Variants in MAMLD1 observed in about 807,000 individuals in gnomAD.
MAMLD1 encodes mastermind-like domain-containing protein 1.
In MAMLD1, 14 loss-of-function variants were observed where a neutral mutation model predicts 45.0. The ratio of observed to expected loss-of-function variants is 0.31; its 90% CI spans 0.21 to 0.49. The LOEUF (loss-of-function observed/expected upper bound fraction) is 0.49, where lower values mean the gene tolerates loss of function less well. Ranked by LOEUF, MAMLD1 falls within the 20% of genes least tolerant of loss-of-function variation. MAMLD1 has a pLI of 0.99. For missense variants in MAMLD1, 543 were observed against 603.6 expected (o/e 0.90, Z 1.05); for synonymous variants, 254 against 247.8 (o/e 1.02, Z -0.24).
At position 150,398,342 on chromosome X, in the gene MAMLD1, A is replaced by AAGAAGG. The variant is rs1569564634; in HGVS notation, c.-64+34812_-64+34813insAGAAGG. ...GAAGAAGAAGAAGAAGAAGAAGAAGAGGAAGAGGAAGAGGAAGAGGAAGAG... is the reference window on the plus strand; with the variant it reads ...GAAGAAGAAGAAGAAGAAGAAGAAGAAGAAGGGGAAGAGGAAGAGGAAGAGGAAGAG... On this transcript the variant is annotated intron_variant, in intron 1 of 7. Transcript: ENST00000370401. Among the ~76,000 whole-genome samples, 152 of 65,124 alleles carry AAGAAGG rather than the reference A, an allele frequency of 2.3e-3. 1 individual carries two copies. Among genetic ancestry groups the AAGAAGG allele is most frequent in the Non-Finnish European group, 3.9e-3 (124 of 32,065 alleles). The allele number at this position is 65,124 out of a possible 115,157, so 56.6% of individuals were successfully genotyped here. A position where few individuals can be genotyped will look rare whatever the true frequency, so the allele number is the denominator to read the frequency against.
At chrX:150,434,714 T>C (rs2035064874) in intron 1 of MAMLD1, among the ~76,000 whole-genome samples, 1 of 112,345 alleles carries the variant, frequency 8.9e-6, no homozygotes, top group Non-Finnish European at 1.9e-5. Context: ...CATGTAATCA[T>C]ATGATTTTGA....
chrX:150,490,548 A>G (rs2037152495), intron 5 of MAMLD1, among the ~76,000 whole-genome samples: 1 of 112,499 alleles, frequency 8.9e-6, no homozygotes, highest in African/African-American at 3.2e-5. Flanking sequence ...TATTTGAGAA[A>G]TAAGCACACT....
Position 150,512,285 on chromosome X carries a change from C to T in MAMLD1, c.*326C>T. The T allele has an allele frequency of 8.9e-7, 1 of 1,122,083 alleles. No homozygotes were observed. The highest frequency in any genetic ancestry group is 1.2e-6 in the Non-Finnish European group (1 of 853,468). The allele number at this position is 1,122,083 out of a possible 1,213,427, so 92.5% of individuals were successfully genotyped here. ...CTCTGTCTGCCAGCATATGCAGAGT[C>T]CCAAGGCCACCCCACCAGAAGTGCC... On this transcript the variant is annotated 3_prime_UTR_variant, in exon 8 of 8. Coordinates refer to ENST00000370401, the MANE Select transcript of MAMLD1 (RefSeq NM_005491.5).
chrX:150,487,268 A>G (rs911268406), intron 5 of MAMLD1, among the ~76,000 whole-genome samples: 2 of 112,175 alleles, frequency 1.8e-5, no homozygotes, highest in Non-Finnish European at 3.8e-5. Context: ...TAAATGGGAC[A>G]CACCCAACTC....
In MAMLD1 at chrX:150,512,698, C is replaced by G. The variant is rs1404523722; in HGVS notation, c.*739C>G. ...AGTTCCTCCAGCAGGGTATGGCCAG[C>G]TTTAGTCCCCTGAGCCCCATACAGG... On this transcript the variant is annotated 3_prime_UTR_variant, in exon 8 of 8. Transcript: ENST00000370401. 11 of 1,151,167 alleles carry G rather than the reference C, an allele frequency of 9.6e-6. No individual in the cohort carries two copies. In the African/African-American group the frequency reaches 2.0e-4, roughly 21 times the overall value. The allele number at this position is 1,151,167 out of a possible 1,213,427, so 94.9% of individuals were successfully genotyped here.
intron 5 of MAMLD1, among the ~76,000 whole-genome samples, chrX:150,478,044 C>T (rs2036637111): frequency 8.9e-6 from 1 of 112,324 alleles, no homozygotes; most frequent in Non-Finnish European, 1.9e-5. Flanking sequence ...AGAATCTTTG[C>T]AGAAACCCAA....
At position 150,388,092 on chromosome X, in the gene MAMLD1, T is replaced by A. The variant is rs782510275; in HGVS notation, c.-64+24562T>A. ...CTTTCTAGAAGACATTATGTAAAAGTGGCACTAATTCTTCTTTAAACATCT... is the reference window on the plus strand; with the variant it reads ...CTTTCTAGAAGACATTATGTAAAAGAGGCACTAATTCTTCTTTAAACATCT... On this transcript the variant is annotated intron_variant, in intron 1 of 7. Coordinates refer to ENST00000370401, the MANE Select transcript of MAMLD1 (RefSeq NM_005491.5). Among the ~76,000 whole-genome samples the A allele has an allele frequency of 3.6e-5, 4 of 111,972 alleles. No individual in the cohort carries two copies. In the Admixed American group the frequency reaches 3.8e-4, roughly 11 times the overall value.
intron 1 of MAMLD1, among the ~76,000 whole-genome samples, chrX:150,418,116 T>G (rs1249399018): frequency 1.8e-5 from 2 of 111,690 alleles, no homozygotes; most frequent in Non-Finnish European, 3.8e-5. Flanking sequence ...CAATTTCAGC[T>G]CCTGTTATTG....
chrX:150,402,102 A>G (rs1160216748), intron 1 of MAMLD1, among the ~76,000 whole-genome samples: 5 of 111,437 alleles, frequency 4.5e-5, no homozygotes, highest in African/African-American at 1.6e-4. Flanking sequence ...GCTTCTGCAC[A>G]GCAAAAGAAA....
intron 5 of MAMLD1, among the ~76,000 whole-genome samples, chrX:150,480,932 TC>T (rs1195561872): frequency 8.9e-6 from 1 of 112,498 alleles, no homozygotes; most frequent in Non-Finnish European, 1.9e-5. Flanking sequence ...GCCAGCTTTT[TC>T]CCCTGTAGCA....
intron 1 of MAMLD1, among the ~76,000 whole-genome samples, 159 bp downstream of exon 1, chrX:150,363,689 C>A (rs1212646583): frequency 1.8e-5 from 2 of 112,509 alleles, no homozygotes; most frequent in Non-Finnish European, 3.8e-5. Context: ...GCCCACCTGG[C>A]GCTGCGGGCG....
chrX:150,489,906 G>A (rs2037127807), intron 5 of MAMLD1, among the ~76,000 whole-genome samples: 1 of 111,267 alleles, frequency 9.0e-6, no homozygotes, highest in African/African-American at 3.3e-5. Flanking sequence ...GGGCGAGAAA[G>A]AGGATTGGGT....
intron 6 of MAMLD1, among the ~76,000 whole-genome samples, chrX:150,505,287 G>T (rs1308249395): frequency 5.4e-5 from 6 of 111,526 alleles, no homozygotes; most frequent in African/African-American, 6.5e-5. Context: ...TCCCCATTGG[G>T]GTCCCATGAC....
rs1376538567 is a variant in MAMLD1 at position 150,403,921 on chromosome X, GA to G, written c.-64+40394del. Among the ~76,000 whole-genome samples, 288 of 72,605 alleles carry G rather than the reference GA, an allele frequency of 4.0e-3. 1 individual carries two copies. Among genetic ancestry groups the G allele is most frequent in the Middle Eastern group, 0.015 (2 of 132 alleles). 63.0% of individuals were successfully genotyped at this position (72,605 alleles called of 115,157 possible). The stretch of plus-strand genomic sequence containing the variant: ...AAAAGAAAGAAGAAAGAAAAAGAAA[GA>G]AAGACAGAGAAAGAAAGAAAAGAAA... On this transcript the variant is annotated intron_variant, in intron 1 of 7. Coordinates refer to ENST00000370401, the MANE Select transcript of MAMLD1 (RefSeq NM_005491.5).
At chrX:150,501,584 C>T (rs782410859) in intron 5 of MAMLD1, among the ~76,000 whole-genome samples, 6 of 112,178 alleles carry the variant, frequency 5.3e-5, no homozygotes, top group Admixed American at 9.4e-5. Flanking sequence ...ACATAGAAAT[C>T]GCTTGCTAAG....
At chrX:150,419,174 T>A (rs1569564732) in intron 1 of MAMLD1, among the ~76,000 whole-genome samples, 3 of 102,900 alleles carry the variant, frequency 2.9e-5, no homozygotes, top group Non-Finnish European at 5.9e-5. Flanking sequence ...CTTGAATTGA[T>A]CCCTTTACCA....
chrX:150,403,996 G>GAAAAAGAAAGA (rs1244362021), intron 1 of MAMLD1, among the ~76,000 whole-genome samples: 3 of 73,931 alleles, frequency 4.1e-5, no homozygotes, highest in South Asian at 5.7e-4. Context: ...AAGAAAGAAA[G>GAAAAAGAAAGA]AAGAAAGGAA....
At chrX:150,378,972 A>G (rs2032467447) in intron 1 of MAMLD1, among the ~76,000 whole-genome samples, 2 of 112,175 alleles carry the variant, frequency 1.8e-5, no homozygotes, top group Admixed American at 1.9e-4. Context: ...TTAAAAACTA[A>G]GATCTGGGTA....
chrX:150,384,306 C>G (rs782486908), intron 1 of MAMLD1, among the ~76,000 whole-genome samples: 1 of 111,997 alleles, frequency 8.9e-6, no homozygotes, highest in African/African-American at 3.2e-5. Context: ...TATGGCTGTT[C>G]TAGTGAGCAT....
Sources: gnomAD v4.1 joint callset for allele counts (sites outside exome capture counted in the v4.1 genomes callset) on GRCh38, gnomAD v4.1.1 for gene constraint, MANE v1.5 for transcripts, NCBI Gene and HGNC (gene_info 2026-07-23, HGNC 2026-07-21) for gene names.